Variants in TXNL4A observed in about 807,000 individuals in gnomAD.
The protein encoded by TXNL4A is thioredoxin like 4A, also known as thioredoxin-like protein 4A.
TXNL4A carries 17 observed loss-of-function variants against 14.6 expected under a neutral mutation model. The observed-to-expected ratio is 1.16, with a 90% confidence interval of 0.80 to 1.74. The LOEUF is 1.74. TXNL4A is among the 40% of genes most tolerant of loss of function. The pLI is 0.00. For missense variants in TXNL4A, 74 were observed against 195.2 expected, an observed-to-expected ratio of 0.38 and a Z score of 3.70; for synonymous variants, 83 against 70.6, an observed-to-expected ratio of 1.18 and a Z score of -0.88.
At chr18:80,016,213 G>GT (rs1213324741) in intron 1 of TXNL4A, among the ~76,000 whole-genome samples, 2 of 144,886 alleles carry the variant, frequency 1.4e-5, no homozygotes, top group African/African-American at 2.6e-5. Flanking sequence ...GGGGTTGTTT[G>GT]TTTTTTTCTT....
rs1010930779 is a variant in TXNL4A at position 79,993,850 on chromosome 18, A to T, written c.-60-16149T>A. ...CCCCAGAAAAACATGCTTAAGGTCT[A>T]ATCTCATCTGGTAGGTGCATATAAG... On this transcript the variant is annotated intron_variant, in intron 1 of 2. Transcript: ENST00000585474. The surrounding 1 kb of genome is among the most constrained non-coding windows in gnomAD (Gnocchi z 4.4). 2.0e-5 allele frequency among the ~76,000 whole-genome samples: 3 copies of T among 152,202 alleles called. No individual in the cohort carries two copies. Among genetic ancestry groups the T allele is most frequent in the Non-Finnish European group, 4.4e-5 (3 of 68,032 alleles).
intron 1 of TXNL4A, among the ~76,000 whole-genome samples, chr18:80,002,355 C>T (rs553288959): frequency 2.9e-4 from 44 of 152,262 alleles, no homozygotes; most frequent in Middle Eastern, 6.8e-3. Flanking sequence ...ATCCAGGCTG[C>T]CCTCCTAGGG....
intron 1 of TXNL4A, among the ~76,000 whole-genome samples, chr18:80,031,086 T>C (rs979177748): frequency 1.3e-5 from 2 of 152,222 alleles, no homozygotes; most frequent in African/African-American, 4.8e-5. Flanking sequence ...AACAAAGTGG[T>C]GACCATGCCC....
At chr18:80,013,121 AATTT>A (rs1568378861) in intron 1 of TXNL4A, among the ~76,000 whole-genome samples, 1 of 137,942 alleles carries the variant, frequency 7.2e-6, no homozygotes. Flanking sequence ...GAAAAAAAAA[AATTT>A]TTTTTTTTTT....
At chr18:79,996,928 G>A (rs573246825) in intron 1 of TXNL4A, among the ~76,000 whole-genome samples, 93 of 152,290 alleles carry the variant, frequency 6.1e-4, no homozygotes, top group African/African-American at 2.0e-3. Context: ...GGGCGACAGA[G>A]GGAGACTCCA....
chr18:80,016,586 G>C (rs1248841521), intron 1 of TXNL4A, among the ~76,000 whole-genome samples: 1 of 152,126 alleles, frequency 6.6e-6, no homozygotes, highest in Admixed American at 6.5e-5. Context: ...CATATGGCTA[G>C]CCAGTTTTCC....
chr18:80,024,804 C>T (rs1431774421), intron 1 of TXNL4A, among the ~76,000 whole-genome samples: 2 of 152,228 alleles, frequency 1.3e-5, no homozygotes, highest in Non-Finnish European at 2.9e-5. Flanking sequence ...AGCCGTGACA[C>T]AGGTAGACCA....
rs1324213879 is a variant in TXNL4A at position 79,982,302 on chromosome 18, T to C, written c.154-4601A>G. ...CACTTGGGATTCTGGGCCATGTATTTATTTCTAAGAAAGCAGGAATTGAAG... is the reference window on the plus strand; with the variant it reads ...CACTTGGGATTCTGGGCCATGTATTCATTTCTAAGAAAGCAGGAATTGAAG... On this transcript the variant is annotated intron_variant, in intron 1 of 2. Coordinates refer to ENST00000269601, the MANE Select transcript of TXNL4A (RefSeq NM_006701.5). The surrounding 1 kb of genome is among the most constrained non-coding windows in gnomAD (Gnocchi z 4.0). Among the ~76,000 whole-genome samples, 1 of 152,190 alleles carries C rather than the reference T, an allele frequency of 6.6e-6. No homozygotes were observed. The highest frequency in any genetic ancestry group is 1.5e-5 in the Non-Finnish European group (1 of 68,038).
At chr18:79,993,045 G>A (rs1387061944), upstream of TXNL4A, among the ~76,000 whole-genome samples, 1 of 151,934 alleles carries the variant, frequency 6.6e-6, no homozygotes, top group Non-Finnish European at 1.5e-5. This position sits in a 1 kb window ranked among gnomAD's most constrained non-coding sequence, Gnocchi z 4.4. Flanking sequence ...GCGTAGACCT[G>A]TCTCCCAGGC....
chr18:79,996,620 A>C (rs970667190), intron 1 of TXNL4A, among the ~76,000 whole-genome samples: 2 of 152,202 alleles, frequency 1.3e-5, no homozygotes, highest in Non-Finnish European at 2.9e-5. Context: ...TCTAGAATTG[A>C]AGCCAGGGAC....
intron 1 of TXNL4A, chr18:79,986,711 G>C (rs1299088337): frequency 1.0e-6 from 1 of 985,472 alleles, no homozygotes; most frequent in East Asian, 1.1e-4. Flanking sequence ...CGAGCTGCCG[G>C]CAGCAGGATC....
upstream of TXNL4A, among the ~76,000 whole-genome samples, chr18:79,989,431 G>T (rs972313483): frequency 6.6e-6 from 1 of 152,146 alleles, no homozygotes; most frequent in Non-Finnish European, 1.5e-5. Flanking sequence ...TTATTCCATA[G>T]CTTCAGCATA....
chr18:80,033,446 A>C (rs906224795), intron 1 of TXNL4A, among the ~76,000 whole-genome samples: 7 of 152,118 alleles, frequency 4.6e-5, no homozygotes, highest in Non-Finnish European at 1.0e-4. Context: ...GACTCTGGGG[A>C]GGCGGGCGGG....
At chr18:79,992,392 T>C (rs2051633757), upstream of TXNL4A, among the ~76,000 whole-genome samples, 3 of 152,198 alleles carry the variant, frequency 2.0e-5, no homozygotes, top group South Asian at 6.2e-4. Context: ...GGGACTTATG[T>C]ACAGAAGCCA....
intron 1 of TXNL4A, among the ~76,000 whole-genome samples, chr18:80,008,417 C>T (rs907859087): frequency 2.0e-5 from 3 of 152,124 alleles, no homozygotes; most frequent in East Asian, 1.9e-4. Flanking sequence ...CCGCATTCTC[C>T]TCTTCCTCTT....
At chr18:79,985,901 C>T (rs986611708) in intron 1 of TXNL4A, 1 of 152,160 alleles carries the variant, frequency 6.6e-6, no homozygotes, top group African/African-American at 2.4e-5. Flanking sequence ...TTATATTGTT[C>T]TTTATACTAA....
intron 1 of TXNL4A, among the ~76,000 whole-genome samples, chr18:80,014,352 C>A (rs2051792244): frequency 6.6e-6 from 1 of 152,154 alleles, no homozygotes; most frequent in Admixed American, 6.5e-5. Context: ...CTAGTTACTT[C>A]CTATATACAA....
At chr18:80,012,002 A>G (rs1375181811) in intron 1 of TXNL4A, among the ~76,000 whole-genome samples, 1 of 152,118 alleles carries the variant, frequency 6.6e-6, no homozygotes, top group Non-Finnish European at 1.5e-5. Context: ...TGCCCTAAGA[A>G]CAAAGAGCTT....
intron 1 of TXNL4A, among the ~76,000 whole-genome samples, chr18:80,018,029 C>T (rs1001771484): frequency 2.6e-5 from 4 of 151,828 alleles, no homozygotes; most frequent in African/African-American, 9.7e-5. Context: ...TGATTATTGC[C>T]ACAATTTCAG....
Sources: allele counts gnomAD v4.1 joint callset (sites outside exome capture counted in the v4.1 genomes callset), GRCh38; gene constraint gnomAD v4.1.1; non-coding constraint Gnocchi (gnomAD v3.1); transcripts MANE v1.5; gene names NCBI Gene and HGNC (gene_info 2026-07-23, HGNC 2026-07-21).